The following PCDHGB2 variants were observed in gnomAD, a reference collection of about 807,000 sequenced individuals.
PCDHGB2 encodes protocadherin gamma subfamily B, 2.
PCDHGB2 carries 55 observed loss-of-function variants against 59.3 expected under a neutral mutation model. The observed-to-expected ratio is 0.93, with a 90% CI of 0.75 to 1.16. The LOEUF (loss-of-function observed/expected upper bound fraction) is 1.16. Ranked by LOEUF, PCDHGB2 falls within the 50% of genes most tolerant of loss-of-function variation. The probability of loss-of-function intolerance (pLI) is 0.00; values close to 1 mark genes in which losing one functional copy is unlikely to be tolerated. For synonymous variants in PCDHGB2, 516 were observed against 512.0 expected, an observed-to-expected ratio of 1.01 and a Z score of -0.11; for missense variants, 1,228 against 1,198.5, an observed-to-expected ratio of 1.02 and a Z score of -0.36.
intron 1 of PCDHGB2, chr5:141,441,206 C>T (rs750648706): frequency 3.3e-5 from 5 of 152,150 alleles, no homozygotes; most frequent in African/African-American, 4.8e-5. Context: ...GATTCTGCAC[C>T]TTGGACAGTA....
chr5:141,371,862 T>C (rs549873232), intron 1 of PCDHGB2: 34 of 1,613,560 alleles, frequency 2.1e-5, no homozygotes, highest in African/African-American at 1.5e-4. Context: ...TGTCTCCTAC[T>C]ACATCGTGGC....
intron 1 of PCDHGB2, among the ~76,000 whole-genome samples, chr5:141,434,831 A>T (rs1328843764): frequency 6.6e-6 from 1 of 151,904 alleles, no homozygotes; most frequent in East Asian, 1.9e-4. Flanking sequence ...TACACTTGGC[A>T]TTTATAAAGC....
At chr5:141,390,237 G>A (rs748278212) in intron 1 of PCDHGB2, 2 of 1,614,004 alleles carry the variant, frequency 1.2e-6, no homozygotes, top group Non-Finnish European at 1.7e-6. Flanking sequence ...TTCATCTGGG[G>A]CCTTATTTCC....
chr5:141,432,139 TATCCCAGAGAACA>T lies in PCDHGB2; in HGVS notation c.2422-62658_2422-62646del, dbSNP rs745506362. On this transcript the variant is annotated intron_variant, in intron 1 of 3. Transcript: ENST00000522605. The surrounding 1 kb of genome is among the most constrained non-coding windows in gnomAD (Gnocchi z 6.0). ...TCCCTCAGGCCTCCTATTCCGCTTA[TATCCCAGAGAACA>T]ATCCCAGAGGAGTTTCCCTCGTCTC... 1.1e-5 allele frequency: 17 copies of T among 1,613,976 alleles called. No individual in the cohort carries two copies. The highest frequency in any genetic ancestry group is 1.3e-5 in the African/African-American group (1 of 74,892).
At chr5:141,433,818 C>A (rs1286718725) in intron 1 of PCDHGB2, among the ~76,000 whole-genome samples, 7 of 133,614 alleles carry the variant, frequency 5.2e-5, no homozygotes, top group African/African-American at 5.8e-5. Flanking sequence ...GCCTGGGCAA[C>A]AAGAGTGAAA....
At chr5:141,384,202 GA>G (rs1561601011) in intron 1 of PCDHGB2, 1 of 1,613,852 alleles carries the variant, frequency 6.2e-7, no homozygotes, top group Non-Finnish European at 8.5e-7. Flanking sequence ...CTTGTCCAGG[GA>G]AACTCACATA....
At chr5:141,433,381 A>ATCTC (rs1561869478) in intron 1 of PCDHGB2, among the ~76,000 whole-genome samples, 1 of 151,148 alleles carries the variant, frequency 6.6e-6, no homozygotes, top group Admixed American at 6.6e-5. Flanking sequence ...CTATCTATCT[A>ATCTC]TCTATCTATC....
chr5:141,458,633 A>C (rs548586597), intron 1 of PCDHGB2, among the ~76,000 whole-genome samples: 12 of 151,884 alleles, frequency 7.9e-5, no homozygotes, highest in Non-Finnish European at 1.5e-4. Flanking sequence ...GCAGTGGCAC[A>C]ATCCCAGCTC....
chr5:141,433,038 C>A, intron 1 of PCDHGB2: 3 of 1,614,180 alleles, frequency 1.9e-6, no homozygotes, highest in Non-Finnish European at 2.5e-6. Flanking sequence ...GTTTCCCTCA[C>A]CACGGACTCG....
At chr5:141,365,306 G>C in intron 1 of PCDHGB2, 1 of 1,613,976 alleles carries the variant, frequency 6.2e-7, no homozygotes, top group South Asian at 1.1e-5. Context: ...GGATGGAGGC[G>C]CTCTTGTTGC....
rs758172962 is a variant in PCDHGB2, at chr5:141,364,474, A to G, written c.2421+1918A>G. 6.8e-6 allele frequency: 11 copies of G among 1,614,012 alleles called. 1 individual carries two copies. Among genetic ancestry groups the G allele is most frequent in the Middle Eastern group, 1.7e-4 (1 of 6,056 alleles). Reference sequence around the variant, plus strand: ...ACAAAGGCTCCTTCGTCGGCAACATAGCCAAGGACCTTGGGCTGGAGCCCC... The same window carrying G: ...ACAAAGGCTCCTTCGTCGGCAACATGGCCAAGGACCTTGGGCTGGAGCCCC... On this transcript the variant is annotated intron_variant, in intron 1 of 3. Transcript: ENST00000522605.
intron 1 of PCDHGB2, chr5:141,394,079 G>A (rs375995047): frequency 5.0e-6 from 8 of 1,613,706 alleles, no homozygotes; most frequent in Non-Finnish European, 5.9e-6. Context: ...ATATCACAGT[G>A]ATGGCCTCAG....
At chr5:141,437,381 C>T (rs2097879875) in intron 1 of PCDHGB2, among the ~76,000 whole-genome samples, 1 of 152,222 alleles carries the variant, frequency 6.6e-6, no homozygotes, top group Non-Finnish European at 1.5e-5. Flanking sequence ...AGTCAGAAGA[C>T]ATTCATCCAC....
At chr5:141,419,146 G>A in intron 1 of PCDHGB2, 1 of 1,613,922 alleles carries the variant, frequency 6.2e-7, no homozygotes, top group Non-Finnish European at 8.5e-7. Context: ...ACAGGGGCAA[G>A]CCTCCGTTAT....
chr5:141,366,058 G>T, intron 1 of PCDHGB2: 1 of 1,614,242 alleles, frequency 6.2e-7, no homozygotes. Context: ...CGGGCGTGGA[G>T]CTGGCGCCTC....
At chr5:141,452,854 A>G (rs137963870) in intron 1 of PCDHGB2, among the ~76,000 whole-genome samples, 109 of 152,264 alleles carry the variant, frequency 7.2e-4, no homozygotes, top group African/African-American at 2.5e-3. Flanking sequence ...CTCTGGGGAG[A>G]TGATTTTCTA....
Position 141,485,089 on chromosome 5 carries a change from G to A in PCDHGB2, c.2422-9718G>A. The stretch of plus-strand genomic sequence containing the variant: ...GAGCTGGCGCGGGGAAAGGGAGATA[G>A]GTGTCTCCAGCTGCTGTGGCTGTTT... On this transcript the variant is annotated intron_variant, in intron 1 of 3. Coordinates refer to ENST00000522605, the MANE Select transcript of PCDHGB2 (RefSeq NM_018923.3). This position sits in a 1 kb window ranked among gnomAD's most constrained non-coding sequence, Gnocchi z 5.7. 1 of 1,027,236 alleles carries A rather than the reference G, an allele frequency of 9.7e-7. No homozygotes were observed. The highest frequency in any genetic ancestry group is 1.5e-6 in the Non-Finnish European group (1 of 674,564). 63.6% of individuals were successfully genotyped at this position (1,027,236 alleles called of 1,614,324 possible). A position where few individuals can be genotyped will look rare whatever the true frequency, so the allele number is the denominator to read the frequency against.
chr5:141,396,902 A>C (rs2093450439), intron 1 of PCDHGB2, among the ~76,000 whole-genome samples: 1 of 152,234 alleles, frequency 6.6e-6, no homozygotes, highest in African/African-American at 2.4e-5. Context: ...TATTATTGGC[A>C]CTTTGCAATT....
intron 2 of PCDHGB2, among the ~76,000 whole-genome samples, chr5:141,496,186 G>A (rs879940448): frequency 2.0e-5 from 3 of 152,018 alleles, no homozygotes; most frequent in Non-Finnish European, 4.4e-5. Flanking sequence ...AGCAGCCCCA[G>A]CTGCTCATTT....
Sources: allele counts gnomAD v4.1 joint callset (sites outside exome capture counted in the v4.1 genomes callset), GRCh38; gene constraint gnomAD v4.1.1; non-coding constraint Gnocchi (gnomAD v3.1); transcripts MANE v1.5; gene names NCBI Gene and HGNC (gene_info 2026-07-23, HGNC 2026-07-21).